Variants in GATAD2A observed in about 807,000 individuals in gnomAD.
GATAD2A encodes the protein GATA zinc finger domain containing 2A.
In GATAD2A, 12 loss-of-function variants were observed where a neutral mutation model predicts 68.5. That is an observed-to-expected ratio of 0.18 (90% CI 0.11 to 0.28). The LOEUF is 0.28. Among genes scored for constraint, GATAD2A ranks in the 10% least tolerant of loss-of-function variants. The probability of loss-of-function intolerance (pLI) is 1.00; values close to 1 mark genes in which losing one functional copy is unlikely to be tolerated. For missense variants in GATAD2A, 755 were observed against 868.5 expected (o/e 0.87, Z 1.64); for synonymous variants, 410 against 375.3 (o/e 1.09, Z -1.07).
upstream of GATAD2A, among the ~76,000 whole-genome samples, chr19:19,403,617 A>G (rs2049953651): frequency 6.6e-6 from 1 of 151,988 alleles, no homozygotes; most frequent in Non-Finnish European, 1.5e-5. Flanking sequence ...TTGCTGGCTC[A>G]AACTCTGGAA....
chr19:19,439,887 C>G (rs76801207), intron 1 of GATAD2A, among the ~76,000 whole-genome samples: 2,994 of 152,236 alleles, frequency 0.02, 50 homozygotes, highest in Middle Eastern at 0.031. Context: ...AGCAAAAAGA[C>G]ATGTGTTTAC....
chr19:19,479,638 GGAAGACCACAGAGGGT>G (rs2058915326), intron 2 of GATAD2A, among the ~76,000 whole-genome samples: 1 of 152,186 alleles, frequency 6.6e-6, no homozygotes, highest in African/African-American at 2.4e-5. Context: ...ATTTGGGGGA[GGAAGACCACAGAGGGT>G]GAAGTGCTCT....
At chr19:19,487,442 G>C (rs1357786357) in intron 2 of GATAD2A, among the ~76,000 whole-genome samples, 1 of 152,022 alleles carries the variant, frequency 6.6e-6, no homozygotes, top group East Asian at 1.9e-4. Flanking sequence ...AGGGGGGTGG[G>C]GTGGGGTGCC....
intron 1 of GATAD2A, among the ~76,000 whole-genome samples, chr19:19,415,763 A>C (rs1377868647): frequency 6.6e-6 from 1 of 151,434 alleles, no homozygotes; most frequent in African/African-American, 2.4e-5. Flanking sequence ...GACTACAGGC[A>C]CATGCCACCA....
intron 2 of GATAD2A, among the ~76,000 whole-genome samples, chr19:19,470,046 TACCATAAGTA>T (rs2058165845): frequency 1.3e-5 from 2 of 151,332 alleles, no homozygotes; most frequent in South Asian, 2.1e-4. Context: ...GAAAAAGAGG[TACCATAAGTA>T]ACCGCTTGAG....
intron 2 of GATAD2A, among the ~76,000 whole-genome samples, chr19:19,467,622 A>C (rs919568283): frequency 6.6e-6 from 1 of 152,120 alleles, no homozygotes; most frequent in African/African-American, 2.4e-5. Flanking sequence ...TATTTTGTTT[A>C]TAGAGTTTCT....
chr19:19,445,999 T>C (rs923417472), intron 1 of GATAD2A, among the ~76,000 whole-genome samples: 1 of 152,214 alleles, frequency 6.6e-6, no homozygotes, highest in African/African-American at 2.4e-5. Context: ...CCCAGGCTCA[T>C]GTGGGAACTC....
chr19:19,396,985 C>T (rs190612832), intron 1 of GATAD2A, among the ~76,000 whole-genome samples: 7 of 152,236 alleles, frequency 4.6e-5, no homozygotes, highest in South Asian at 2.1e-4. Flanking sequence ...GGATTACAGG[C>T]GTGAGCCACT....
At chr19:19,445,817 T>C (rs557929788) in intron 1 of GATAD2A, among the ~76,000 whole-genome samples, 12 of 152,356 alleles carry the variant, frequency 7.9e-5, no homozygotes, top group African/African-American at 2.4e-4. Flanking sequence ...CATTCATCCA[T>C]TGATGGACAT....
At chr19:19,464,419 T>G (rs910757432) in intron 1 of GATAD2A, among the ~76,000 whole-genome samples, 3 of 152,212 alleles carry the variant, frequency 2.0e-5, no homozygotes, top group Admixed American at 6.5e-5. Context: ...GCAGCCCCTT[T>G]AAGAGTGCCA....
chr19:19,427,917 G>A (rs1195276054), intron 1 of GATAD2A: 1 of 152,142 alleles, frequency 6.6e-6, no homozygotes, highest in Non-Finnish European at 1.5e-5. Context: ...TCGATCTCCT[G>A]ACCTCATGAT....
At chr19:19,496,549 G>C (rs746174218) in intron 7 of GATAD2A, among the ~76,000 whole-genome samples, 23 of 152,260 alleles carry the variant, frequency 1.5e-4, no homozygotes, top group Non-Finnish European at 2.5e-4. Flanking sequence ...GCAGGTTTAG[G>C]GGGATAGTCG....
At chr19:19,390,494 C>T (rs2048767684) in intron 1 of GATAD2A, among the ~76,000 whole-genome samples, 2 of 152,158 alleles carry the variant, frequency 1.3e-5, no homozygotes, top group South Asian at 2.1e-4. Flanking sequence ...TCCCCTACTG[C>T]GTCTCTTAGC....
At chr19:19,434,833 A>G (rs113564583) in intron 1 of GATAD2A, among the ~76,000 whole-genome samples, 6,937 of 152,228 alleles carry the variant, frequency 0.046, 224 homozygotes, top group Middle Eastern at 0.085. Context: ...TTCTCTCTGG[A>G]CAGCATCCCA....
chr19:19,388,057 C>CTTTTTTT (rs1568686046), intron 1 of GATAD2A, among the ~76,000 whole-genome samples: 6 of 125,984 alleles, frequency 4.8e-5, no homozygotes, highest in African/African-American at 8.4e-5. Flanking sequence ...AGCTTCTCCT[C>CTTTTTTT]CTTTTTTTTT....
At chr19:19,502,776 A>G (rs912239682) in intron 11 of GATAD2A, among the ~76,000 whole-genome samples, 2 of 152,214 alleles carry the variant, frequency 1.3e-5, no homozygotes, top group African/African-American at 4.8e-5. Context: ...CCGACAAAAC[A>G]TGGGCCAGGC....
chr19:19,472,645 T>TC (rs1354070039), intron 2 of GATAD2A: 1 of 152,078 alleles, frequency 6.6e-6, no homozygotes, highest in African/African-American at 2.4e-5. Context: ...TGATTTGTTT[T>TC]TTTTTTTGGA....
chr19:19,457,034 G>A (rs1004442891), intron 1 of GATAD2A: 9 of 916,616 alleles, frequency 9.8e-6, no homozygotes, highest in Non-Finnish European at 1.2e-5. Flanking sequence ...GAAACCCTGA[G>A]GATCCCAGAG....
rs547508352 is a variant in GATAD2A at position 19,465,499 on chromosome 19, C to T, written c.154C>T (p.Pro52Ser). ...CGGAGACATGAGGGTGACACCTGAG[C>T]CGGGAGCAGGTCCAACCCAAGGATT... ...TDGDMRVTPE[P>S]GAGPTQGLLR... is the part of the protein sequence containing the mutation. The change falls in exon 2 of 12, where the codon CCG (proline) becomes TCG (serine). Residue 52 changes from proline (P) to serine (S), a missense_variant. Coordinates refer to ENST00000683918, the MANE Select transcript of GATAD2A (RefSeq NM_001384528.1). 2 of 1,614,022 alleles carry T rather than the reference C, an allele frequency of 1.2e-6. No homozygotes were observed. The highest frequency in any genetic ancestry group is 2.2e-5 in the East Asian group (1 of 44,892).
Sources: allele counts gnomAD v4.1 joint callset (sites outside exome capture counted in the v4.1 genomes callset), GRCh38; gene constraint gnomAD v4.1.1; transcripts MANE v1.5; gene names NCBI Gene and HGNC (gene_info 2026-07-23, HGNC 2026-07-21).